The following COL8A1 variants were observed in gnomAD, a reference collection of about 807,000 sequenced individuals.
COL8A1 encodes the protein collagen alpha-1(VIII) chain.
A neutral mutation model predicts 42.7 loss-of-function variants in COL8A1; 21 were observed. The observed-to-expected ratio is 0.49, with a 90% CI of 0.35 to 0.71. COL8A1 has a LOEUF of 0.71. Ranked by LOEUF, COL8A1 falls within the 30% of genes least tolerant of loss-of-function variation. COL8A1 has a pLI of 0.01. For synonymous variants in COL8A1, 367 were observed against 369.1 expected, an observed-to-expected ratio of 0.99 and a Z score of 0.06; for missense variants, 788 against 962.4, an observed-to-expected ratio of 0.82 and a Z score of 2.40.
chr3:99,768,380 G>C (rs1444346822), intron 2 of COL8A1, among the ~76,000 whole-genome samples: 1 of 152,160 alleles, frequency 6.6e-6, no homozygotes, highest in Non-Finnish European at 1.5e-5. Context: ...TGAATCACTA[G>C]CTACCAGATA....
chr3:99,787,687 G>T (rs879786479), intron 2 of COL8A1, among the ~76,000 whole-genome samples: 2 of 152,148 alleles, frequency 1.3e-5, no homozygotes, highest in African/African-American at 2.4e-5. Flanking sequence ...TAAAGGACTT[G>T]TCCAAGGTCA....
chr3:99,733,806 A>C (rs1199663192), intron 1 of COL8A1, among the ~76,000 whole-genome samples: 3 of 151,630 alleles, frequency 2.0e-5, no homozygotes, highest in Non-Finnish European at 4.4e-5. Context: ...CCTCTCCAGC[A>C]CCTGTTGTTT....
intron 1 of COL8A1, among the ~76,000 whole-genome samples, chr3:99,693,023 G>A (rs781459170): frequency 1.3e-5 from 2 of 152,142 alleles, no homozygotes; most frequent in Non-Finnish European, 2.9e-5. Context: ...GCCAGGCGTG[G>A]TGGCGTGTGT....
intron 1 of COL8A1, among the ~76,000 whole-genome samples, chr3:99,686,441 G>T (rs1288220891): frequency 6.6e-6 from 1 of 152,170 alleles, no homozygotes; most frequent in African/African-American, 2.4e-5. Context: ...AAGGAGGAAA[G>T]ACCCTGGGGA....
chr3:99,683,308 C>T (rs1576428773), intron 1 of COL8A1, among the ~76,000 whole-genome samples: 2 of 151,490 alleles, frequency 1.3e-5, no homozygotes, highest in Admixed American at 1.3e-4. Context: ...ATAATAGCTA[C>T]CAATAAAATA....
At chr3:99,717,165 A>G (rs1940023163) in intron 1 of COL8A1, among the ~76,000 whole-genome samples, 1 of 152,060 alleles carries the variant, frequency 6.6e-6, no homozygotes, top group African/African-American at 2.4e-5. Context: ...TGTGCTATAT[A>G]TAGAAGATAA....
At chr3:99,789,476 T>A (rs1199963569) in intron 2 of COL8A1, among the ~76,000 whole-genome samples, 1 of 152,184 alleles carries the variant, frequency 6.6e-6, no homozygotes, top group African/African-American at 2.4e-5. Flanking sequence ...AGTTCGTGTA[T>A]GCCCAGCATT....
intron 2 of COL8A1, among the ~76,000 whole-genome samples, chr3:99,746,201 T>C (rs565194360): frequency 2.0e-5 from 3 of 152,320 alleles, no homozygotes; most frequent in African/African-American, 4.8e-5. Flanking sequence ...ATGATTTTAC[T>C]AAGGCATTAC....
intron 1 of COL8A1, chr3:99,679,968 C>T (rs1938818245): frequency 6.6e-6 from 1 of 152,056 alleles, no homozygotes; most frequent in African/African-American, 2.4e-5. Context: ...TCCAGTAATT[C>T]TAGGTCAGCA....
At chr3:99,653,716 T>C (rs957335153) in intron 1 of COL8A1, among the ~76,000 whole-genome samples, 2 of 150,640 alleles carry the variant, frequency 1.3e-5, no homozygotes, top group Non-Finnish European at 3.0e-5. Context: ...TACAACACTC[T>C]CCTTGAGGCT....
In COL8A1 at chr3:99,796,963, G is replaced by C. The variant is rs1942119535; in HGVS notation, c.*827G>C. On this transcript the variant is annotated 3_prime_UTR_variant, in exon 4 of 4. Transcript: ENST00000652472. Reference sequence around the variant, plus strand: ...ATTTGTTTTGATTTTCTTTTTCTGTGACTTATTTTCCTATTTTCTTTCCTC... The same window carrying C: ...ATTTGTTTTGATTTTCTTTTTCTGTCACTTATTTTCCTATTTTCTTTCCTC... 2 of 152,116 alleles carry C rather than the reference G, an allele frequency of 1.3e-5. No homozygotes were observed. The highest frequency in any genetic ancestry group is 1.5e-5 in the Non-Finnish European group (1 of 67,976). 9.4% of individuals were successfully genotyped at this position (152,116 alleles called of 1,614,324 possible).
At chr3:99,759,679 A>C (rs1415514805) in intron 2 of COL8A1, among the ~76,000 whole-genome samples, 1 of 152,234 alleles carries the variant, frequency 6.6e-6, no homozygotes, top group East Asian at 1.9e-4. Context: ...TAGTTTGAAA[A>C]GCTGTATCTA....
At chr3:99,733,746 C>A (rs1318806139) in intron 1 of COL8A1, among the ~76,000 whole-genome samples, 2 of 151,280 alleles carry the variant, frequency 1.3e-5, no homozygotes, top group African/African-American at 4.8e-5. Flanking sequence ...AAGGGTTGAA[C>A]TAGTTTACAG....
chr3:99,667,203 C>CCT (rs1938393080), intron 1 of COL8A1, among the ~76,000 whole-genome samples: 1 of 152,136 alleles, frequency 6.6e-6, no homozygotes, highest in Non-Finnish European at 1.5e-5. Flanking sequence ...CTCTGAGCTT[C>CCT]CTAAACTATT....
chr3:99,745,426 T>C (rs999519424), intron 2 of COL8A1, among the ~76,000 whole-genome samples: 21 of 152,184 alleles, frequency 1.4e-4, no homozygotes, highest in Admixed American at 9.8e-4. Context: ...TAATAAAAGA[T>C]CTGGAGATTT....
intron 1 of COL8A1, among the ~76,000 whole-genome samples, chr3:99,700,651 TC>T (rs751328382): frequency 1.3e-5 from 2 of 152,182 alleles, no homozygotes; most frequent in Non-Finnish European, 2.9e-5. Context: ...CTGCCTTTTT[TC>T]CATTTTTACC....
intron 1 of COL8A1, among the ~76,000 whole-genome samples, chr3:99,733,017 C>T (rs1940566052): frequency 2.6e-5 from 4 of 151,892 alleles, no homozygotes. Flanking sequence ...GTCTCAATGT[C>T]TCATATCCGG....
intron 1 of COL8A1, among the ~76,000 whole-genome samples, chr3:99,638,966 C>T (rs539374090): frequency 9.2e-5 from 14 of 152,218 alleles, no homozygotes; most frequent in African/African-American, 2.9e-4. Context: ...GTTGTACTGA[C>T]GTTTTTCACT....
At chr3:99,663,476 AT>A (rs879457519) in intron 1 of COL8A1, among the ~76,000 whole-genome samples, 47 of 149,542 alleles carry the variant, frequency 3.1e-4, no homozygotes, top group East Asian at 7.8e-4. Flanking sequence ...TTGTTTGGGG[AT>A]TTTTTTTTTA....
Sources: allele counts gnomAD v4.1 joint callset (sites outside exome capture counted in the v4.1 genomes callset), GRCh38; gene constraint gnomAD v4.1.1; transcripts MANE v1.5; gene names NCBI Gene and HGNC (gene_info 2026-07-23, HGNC 2026-07-21).